FYCO1: variants seen among roughly 807,000 people sequenced by gnomAD.
The protein encoded by FYCO1 is FYVE and coiled-coil domain autophagy adaptor 1.
In FYCO1, 122 loss-of-function variants were observed where a neutral mutation model predicts 165.1. That is an observed-to-expected ratio of 0.74 (90% CI 0.64 to 0.86). FYCO1 has a LOEUF of 0.86. Among genes scored for constraint, FYCO1 ranks in the 40% least tolerant of loss-of-function variants. The probability of loss-of-function intolerance (pLI) is 0.00; values close to 1 mark genes in which losing one functional copy is unlikely to be tolerated. For synonymous variants in FYCO1, 648 were observed against 742.5 expected (o/e 0.87, Z 2.07); for missense variants, 1,702 against 1,810.3 (o/e 0.94, Z 1.09).
At position 45,967,038 on chromosome 3, in the gene FYCO1, C is replaced by T; in HGVS notation, c.2296G>A (p.Glu766Lys). Residue 766 changes from glutamate to lysine, a missense_variant, in exon 8 of 18, where the codon GAG (glutamate) becomes AAG (lysine). Physicochemically the swap from Glu to Lys is moderately conservative, Grantham distance 56 (BLOSUM62 1). Transcript: ENST00000296137. The part of the protein sequence containing the change: ...VGPPTDNEAR[E>K]LAAQLALSQA... ...GACAGGGCTAGCTGGGCAGCCAGCT[C>T]ACGGGCTTCATTGTCAGTGGGTGGG... 1 of 1,613,550 alleles carries T rather than the reference C, an allele frequency of 6.2e-7. No homozygotes were observed. The highest frequency in any genetic ancestry group is 8.5e-7 in the Non-Finnish European group (1 of 1,180,044).
At chr3:45,986,569 C>G (rs1186707423) in intron 1 of FYCO1, among the ~76,000 whole-genome samples, 1 of 152,236 alleles carries the variant, frequency 6.6e-6, no homozygotes, top group African/African-American at 2.4e-5. Flanking sequence ...CCAAAGAGGG[C>G]TTCTCTGGCT....
At chr3:45,963,919 C>T (rs1705843006) in intron 10 of FYCO1, among the ~76,000 whole-genome samples, 1 of 152,208 alleles carries the variant, frequency 6.6e-6, no homozygotes, top group Non-Finnish European at 1.5e-5. Flanking sequence ...TAACACCTTC[C>T]TCATAGGACT....
chr3:45,956,020 T>C (rs1004284364), intron 13 of FYCO1, among the ~76,000 whole-genome samples: 12 of 151,026 alleles, frequency 7.9e-5, no homozygotes, highest in African/African-American at 2.7e-4. Context: ...CACGGAAAAA[T>C]GTGAGAGCAG....
rs1703609928 is a variant in FYCO1 at position 45,931,278 on chromosome 3, G to A, written c.4044C>T (p.Ile1348=). Reference sequence around the variant, plus strand: ...TCTCATCCACTGTGAGGGGTACTTTGATCCTAAAATAAAAATACAGAGAGG... The same window carrying A: ...TCTCATCCACTGTGAGGGGTACTTTAATCCTAAAATAAAAATACAGAGAGG... ...ICLLKSGELM[I]KVPLTVDEIA... Residue 1348 remains isoleucine, a synonymous_variant, in exon 16 of 18, where the codon ATC becomes ATT. Transcript: ENST00000296137. 6.2e-7 allele frequency: 1 copy of A among 1,613,412 alleles called. No individual in the cohort carries two copies. Among genetic ancestry groups the A allele is most frequent in the Non-Finnish European group, 8.5e-7 (1 of 1,179,774 alleles).
At chr3:45,981,514 A>G in intron 3 of FYCO1, 56 bp downstream of exon 3, 1 of 1,109,184 alleles carries the variant, frequency 9.0e-7, no homozygotes. Context: ...TGAGTCACCC[A>G]AGAGGGAGAA....
chr3:45,990,392 A>C (rs1707506428), intron 1 of FYCO1, among the ~76,000 whole-genome samples: 1 of 152,164 alleles, frequency 6.6e-6, no homozygotes, highest in African/African-American at 2.4e-5. Context: ...AAAAACTAGT[A>C]AGAAGGAGCA....
At chr3:45,934,766 G>A (rs1179995867) in intron 15 of FYCO1, among the ~76,000 whole-genome samples, 1 of 152,204 alleles carries the variant, frequency 6.6e-6, no homozygotes, top group African/African-American at 2.4e-5. Flanking sequence ...CAAGTTCTCT[G>A]TTACTATTTC....
Position 45,968,009 on chromosome 3 carries a change from C to T in FYCO1, c.1325G>A (p.Arg442Gln), listed in dbSNP as rs116404907. Residue 442 changes from arginine (R) to glutamine (Q), a missense_variant, in exon 8 of 18, where the codon CGG (arginine) becomes CAG (glutamine). Transcript: ENST00000296137. The part of the protein sequence containing the change: ...VKELQLKEDA[R>Q]ASLERLVKEM... ...CTTCACCAGGCGCTCCAGGCTGGCC[C>T]GGGCATCCTCTTTCAGCTGAAGCTC... 1,029 of 1,614,086 alleles carry T rather than the reference C, an allele frequency of 6.4e-4. 15 individuals carry two copies. In the African/African-American group the frequency reaches 0.012, roughly 19 times the overall value.
rs372348872 is a variant in FYCO1, at chr3:45,958,537, G to A, written c.3670C>T (p.Arg1224Ter). The A allele has an allele frequency of 8.7e-6, 14 of 1,614,044 alleles. No individual in the cohort carries two copies. Among genetic ancestry groups the A allele is most frequent in the African/African-American group, 1.3e-5 (1 of 74,924 alleles). ...KHGGKKERCCRACFQKLSEGP... is the reference protein window; with the variant it reads ...KHGGKKERCC ...TCACTGAGCTTCTGGAAACAGGCTC[G>A]GCAGCAGCGCTCCTTTTTGCCACCG... The change falls in exon 13 of 18, where the codon CGA becomes TGA. Residue 1224 changes from arginine (R) to a stop codon, truncating the protein, a stop_gained. Transcript: ENST00000296137. LOFTEE classifies it high-confidence loss of function.
chr3:45,958,900 ATC>A (rs993321808), intron 12 of FYCO1, among the ~76,000 whole-genome samples: 3 of 152,186 alleles, frequency 2.0e-5, no homozygotes, highest in African/African-American at 7.2e-5. Flanking sequence ...TGCCTCCCAT[ATC>A]TCAGAAGCTA....
chr3:45,967,661 C>A lies in FYCO1; in HGVS notation c.1673G>T (p.Gly558Val), dbSNP rs754417421. ...QQVGMLERLAGPPGPELPVAG... is the reference protein window; with the variant it reads ...QQVGMLERLAVPPGPELPVAG... The stretch of plus-strand genomic sequence containing the variant: ...CACTGGCAGTTCTGGGCCAGGCGGC[C>A]CAGCAAGCCGCTCGAGCATACCCAC... The change falls in exon 8 of 18, where the codon GGG becomes GTG. Residue 558 changes from glycine to valine, a missense_variant. Coordinates refer to ENST00000296137, the MANE Select transcript of FYCO1 (RefSeq NM_024513.4). The A allele has an allele frequency of 6.2e-7, 1 of 1,611,146 alleles. No homozygotes were observed. The highest frequency in any genetic ancestry group is 1.3e-5 in the African/African-American group (1 of 74,928).
chr3:45,946,804 T>G, intron 14 of FYCO1: 1 of 1,614,218 alleles, frequency 6.2e-7, no homozygotes, highest in Non-Finnish European at 8.5e-7. Context: ...CTACTGGGCA[T>G]CTACACTATT....
intron 6 of FYCO1, among the ~76,000 whole-genome samples, chr3:45,970,595 G>A (rs1296952779): frequency 2.6e-5 from 4 of 151,986 alleles, no homozygotes; most frequent in Non-Finnish European, 5.9e-5. Flanking sequence ...TTTTTGAAAA[G>A]GGCCAGATAG....
At chr3:45,929,819 T>G (rs1051179752) in intron 16 of FYCO1, among the ~76,000 whole-genome samples, 1 of 152,110 alleles carries the variant, frequency 6.6e-6, no homozygotes, top group African/African-American at 2.4e-5. Flanking sequence ...ACAAAAGCGA[T>G]CCCTGCATTG....
chr3:45,961,478 T>C (rs1228277784), intron 11 of FYCO1, among the ~76,000 whole-genome samples: 3 of 151,598 alleles, frequency 2.0e-5, no homozygotes, highest in Admixed American at 1.3e-4. Flanking sequence ...CTTGGGTGGC[T>C]GAGGCACAAG....
Position 45,918,365 on chromosome 3 carries a change from A to G in FYCO1, c.*3400T>C, listed in dbSNP as rs1471135008. 6.6e-6 allele frequency: 1 copy of G among 152,218 alleles called. No homozygotes were observed. The highest frequency in any genetic ancestry group is 1.5e-5 in the Non-Finnish European group (1 of 68,034). The allele number at this position is 152,218 out of a possible 1,614,324, so 9.4% of individuals were successfully genotyped here. A position where few individuals can be genotyped will look rare whatever the true frequency, so the allele number is the denominator to read the frequency against. On this transcript the variant is annotated 3_prime_UTR_variant, in exon 18 of 18. Transcript: ENST00000296137. ...CTCCTGTTTCCTTGGAAGAAACATA[A>G]TGAAATGAGAAGAACTTACTAAAGT... is the stretch of plus-strand genomic sequence containing the variant.
chr3:45,968,568 G>C lies in FYCO1; in HGVS notation c.766C>G (p.Leu256Val), dbSNP rs2125853272. 3.1e-6 allele frequency: 5 copies of C among 1,613,924 alleles called. No homozygotes were observed. Among genetic ancestry groups the C allele is most frequent in the Non-Finnish European group, 4.2e-6 (5 of 1,179,980 alleles). Reference sequence around the variant, plus strand: ...CTCAGCTCCTGGTTCTCTCTGTCCAGCTGCTGCATGCGCTCCCGTAGCTGC... The same window carrying C: ...CTCAGCTCCTGGTTCTCTCTGTCCACCTGCTGCATGCGCTCCCGTAGCTGC... ...EKQLRERMQQLDRENQELRAA... is the reference protein window; with the variant it reads ...EKQLRERMQQVDRENQELRAA... Residue 256 changes from leucine to valine, a missense_variant, in exon 8 of 18, where the codon CTG becomes GTG. Physicochemically the swap from Leu to Val is conservative, Grantham distance 32. Coordinates refer to ENST00000296137, the MANE Select transcript of FYCO1 (RefSeq NM_024513.4).
chr3:45,962,270 T>C lies in FYCO1; in HGVS notation c.3392A>G (p.Asn1131Ser), dbSNP rs140583835. 3 of 1,614,120 alleles carry C rather than the reference T, an allele frequency of 1.9e-6. No individual in the cohort carries two copies. Among genetic ancestry groups the C allele is most frequent in the Non-Finnish European group, 8.5e-7 (1 of 1,180,050 alleles). Residue 1131 changes from asparagine to serine, a missense_variant, in exon 11 of 18, where the codon AAC becomes AGC. Transcript: ENST00000296137. This position sits in a 1 kb window ranked among gnomAD's most constrained non-coding sequence, Gnocchi z 4.4. ...CTCCTCGAGATACTTCTTGGTTCTG[T>C]TGAGGTCATCCAGGTCAGCAAGCAT... ...QKMLADLDDL[N>S]RTKKYLEERL...
rs1255252808 is a variant in FYCO1, at chr3:45,973,050, T to G, written c.539+38A>C. On this transcript the variant is annotated intron_variant, in intron 6 of 17. Coordinates refer to ENST00000296137, the MANE Select transcript of FYCO1 (RefSeq NM_024513.4). ...CAATCTTCAAAACTTCAAATGTCTC[T>G]TTTCCTGTCTTTTAAACCAAGCAAT... 3.1e-6 allele frequency: 5 copies of G among 1,612,894 alleles called. No individual in the cohort carries two copies. The African/African-American group carries it at 6.7e-5, about 22-fold the overall frequency.
Sources: allele counts gnomAD v4.1 joint callset (sites outside exome capture counted in the v4.1 genomes callset), GRCh38; gene constraint gnomAD v4.1.1; non-coding constraint Gnocchi (gnomAD v3.1); transcripts MANE v1.5; gene names NCBI Gene and HGNC (gene_info 2026-07-23, HGNC 2026-07-21).